The following ACTR3C variants were observed in gnomAD, a reference collection of about 807,000 sequenced individuals.
The protein encoded by ACTR3C is actin-related protein 3C.
Under a neutral mutation model 26.3 loss-of-function variants are expected in ACTR3C, and 18 were observed. The ratio of observed to expected loss-of-function variants is 0.68; its 90% CI spans 0.47 to 1.01. ACTR3C has a LOEUF of 1.01. ACTR3C is among the 50% of genes least tolerant of loss of function. ACTR3C has a pLI of 0.00. For synonymous variants in ACTR3C, 55 were observed against 94.5 expected (o/e 0.58, Z 2.42); for missense variants, 184 against 250.7 (o/e 0.73, Z 1.80).
chr7:150,161,379 G>A, the ACTR3C span, among the ~76,000 whole-genome samples: 3 of 150,840 alleles, frequency 2.0e-5, no homozygotes, highest in South Asian at 2.1e-4. Flanking sequence ...CCCACCCCAC[G>A]ACAGGCCCCA....
At chr7:150,109,578 C>A in the ACTR3C span, among the ~76,000 whole-genome samples, 1 of 150,060 alleles carries the variant, frequency 6.7e-6, no homozygotes, top group Admixed American at 6.6e-5. Context: ...GTGGCCTTTA[C>A]GGCATAAGGG....
the ACTR3C span, among the ~76,000 whole-genome samples, chr7:150,017,498 G>A: frequency 2.7e-5 from 4 of 150,258 alleles, no homozygotes; most frequent in South Asian, 2.1e-4. Flanking sequence ...AGAGCAGAGC[G>A]GGGCAAGAAT....
chr7:150,214,087 T>A, the ACTR3C span, among the ~76,000 whole-genome samples: 1 of 151,530 alleles, frequency 6.6e-6, no homozygotes. Flanking sequence ...CCAACTTAAG[T>A]GTTCATTAAA....
chr7:150,072,871 T>C, the ACTR3C span, among the ~76,000 whole-genome samples: 2 of 151,778 alleles, frequency 1.3e-5, no homozygotes, highest in African/African-American at 4.8e-5. Context: ...GGGAGAGGAA[T>C]TTATCATTTG....
chr7:149,962,899 C>G, the ACTR3C span, among the ~76,000 whole-genome samples: 1 of 152,222 alleles, frequency 6.6e-6, no homozygotes, highest in East Asian at 1.9e-4. Flanking sequence ...AATCTGAAGA[C>G]TGCACTGAGT....
chr7:150,153,317 T>C, the ACTR3C span, among the ~76,000 whole-genome samples: 1 of 151,270 alleles, frequency 6.6e-6, no homozygotes, highest in East Asian at 2.0e-4. Context: ...TTTCGCAACC[T>C]ACTCATCTGA....
the ACTR3C span, among the ~76,000 whole-genome samples, chr7:150,005,834 A>G: frequency 6.6e-6 from 1 of 152,114 alleles, no homozygotes; most frequent in African/African-American, 2.4e-5. Context: ...TAGGGAACAC[A>G]TTTTCTTCCT....
chr7:150,275,871 C>CT (rs954249519), intron 6 of ACTR3C, among the ~76,000 whole-genome samples: 2 of 152,204 alleles, frequency 1.3e-5, no homozygotes, highest in Non-Finnish European at 2.9e-5. Context: ...CGGTGCACCT[C>CT]TGACCACCCT....
At chr7:149,993,731 C>T in the ACTR3C span, among the ~76,000 whole-genome samples, 2 of 152,108 alleles carry the variant, frequency 1.3e-5, no homozygotes, top group Non-Finnish European at 2.9e-5. Flanking sequence ...TCATTGGGGA[C>T]AGTAATTAAA....
the ACTR3C span, among the ~76,000 whole-genome samples, chr7:150,004,013 G>C: frequency 6.6e-6 from 1 of 151,712 alleles, no homozygotes; most frequent in East Asian, 1.9e-4. Context: ...TGTGTGGCAT[G>C]TGGTGTGGTA....
the ACTR3C span, among the ~76,000 whole-genome samples, chr7:149,906,399 G>T: frequency 1.4e-5 from 2 of 142,194 alleles, no homozygotes; most frequent in African/African-American, 2.7e-5. Context: ...GTTTTTGTGT[G>T]TGGGGTTTGT....
rs181446519 is a variant in ACTR3C at position 150,290,471 on chromosome 7, C to T, written c.154-878G>A. The stretch of plus-strand genomic sequence containing the variant: ...GACCGTCAGAGTGGACAACGCCCAC[C>T]GCTGGATCATCCGGTAAAGACACTC... On this transcript the variant is annotated intron_variant, in intron 3 of 7. Transcript: ENST00000683684. Among the ~76,000 whole-genome samples the T allele has an allele frequency of 2.3e-3, 346 of 152,240 alleles. 1 individual carries two copies. The highest frequency in any genetic ancestry group is 8.0e-3 in the African/African-American group (333 of 41,494).
the ACTR3C span, among the ~76,000 whole-genome samples, chr7:150,050,333 A>G: frequency 1.3e-5 from 2 of 152,252 alleles, no homozygotes; most frequent in African/African-American, 2.4e-5. Context: ...ATCATACATG[A>G]TACTTCATAG....
At chr7:150,278,031 C>T (rs142322906) in intron 6 of ACTR3C, among the ~76,000 whole-genome samples, 3,366 of 152,264 alleles carry the variant, frequency 0.022, 110 homozygotes, top group African/African-American at 0.077. Flanking sequence ...GTGCCTTCCC[C>T]ATAAGCCCTG....
chr7:150,306,682 A>G (rs1795830433), intron 1 of ACTR3C, among the ~76,000 whole-genome samples: 1 of 152,208 alleles, frequency 6.6e-6, no homozygotes, highest in African/African-American at 2.4e-5. Flanking sequence ...CCCGGTTTGG[A>G]GAAACAATTT....
chr7:150,169,623 C>A, the ACTR3C span, among the ~76,000 whole-genome samples: 3 of 150,634 alleles, frequency 2.0e-5, no homozygotes, highest in African/African-American at 7.5e-5. Context: ...CAAGCTAACA[C>A]ACTGGAAATT....
At chr7:149,982,101 T>C in the ACTR3C span, among the ~76,000 whole-genome samples, 1 of 152,134 alleles carries the variant, frequency 6.6e-6, no homozygotes, top group Non-Finnish European at 1.5e-5. Context: ...TGGGTGCAGG[T>C]TGGAACACTT....
At chr7:150,286,597 C>T (rs1835795749) in intron 4 of ACTR3C, 57 bp from the exon 5 acceptor site, 5 of 1,586,482 alleles carry the variant, frequency 3.2e-6, no homozygotes, top group Non-Finnish European at 3.4e-6. Context: ...TGTCTCTGCC[C>T]TCAGACAAAT....
chr7:150,085,704 C>T, the ACTR3C span, among the ~76,000 whole-genome samples: 1 of 151,922 alleles, frequency 6.6e-6, no homozygotes, highest in Admixed American at 6.6e-5. Flanking sequence ...ATTCTGAGAC[C>T]CAGAAGGAAT....
Sources: allele counts gnomAD v4.1 joint callset (sites outside exome capture counted in the v4.1 genomes callset), GRCh38; gene constraint gnomAD v4.1.1; transcripts MANE v1.5; gene names NCBI Gene and HGNC (gene_info 2026-07-23, HGNC 2026-07-21).